The following CCSER1 variants were observed in gnomAD, a reference collection of about 807,000 sequenced individuals.
The protein encoded by CCSER1 is serine-rich coiled-coil domain-containing protein 1.
Under a neutral mutation model 82.0 loss-of-function variants are expected in CCSER1, and 41 were observed. The ratio of observed to expected loss-of-function variants is 0.50; its 90% CI spans 0.39 to 0.65. The LOEUF is 0.65. Among genes scored for constraint, CCSER1 ranks in the 30% least tolerant of loss-of-function variants. The probability of loss-of-function intolerance (pLI) is 0.00; values close to 1 mark genes in which losing one functional copy is unlikely to be tolerated. For synonymous variants in CCSER1, 414 were observed against 383.9 expected, an observed-to-expected ratio of 1.08 and a Z score of -0.92; for missense variants, 1,119 against 1,064.2, an observed-to-expected ratio of 1.05 and a Z score of -0.72.
At chr4:90,370,621 G>A (rs899606715) in intron 3 of CCSER1, among the ~76,000 whole-genome samples, 1 of 151,906 alleles carries the variant, frequency 6.6e-6, no homozygotes, top group Non-Finnish European at 1.5e-5. Flanking sequence ...CACAAGGTTT[G>A]CAAGGTTTGT....
intron 1 of CCSER1, among the ~76,000 whole-genome samples, chr4:90,224,986 C>G (rs146289634): frequency 6.6e-6 from 1 of 152,188 alleles, no homozygotes; most frequent in Admixed American, 6.5e-5. Context: ...AATCATAAGA[C>G]AGGCCTGTAA....
At chr4:91,293,324 G>A (rs923976118) in intron 10 of CCSER1, among the ~76,000 whole-genome samples, 3 of 151,926 alleles carry the variant, frequency 2.0e-5, no homozygotes, top group South Asian at 2.1e-4. Flanking sequence ...TTGGAAACTC[G>A]GTACACATAG....
At chr4:91,442,420 T>C (rs925180621) in intron 10 of CCSER1, among the ~76,000 whole-genome samples, 1 of 148,630 alleles carries the variant, frequency 6.7e-6, no homozygotes. Context: ...GCTAGCCATA[T>C]GTAGAAAGCT....
intron 10 of CCSER1, chr4:91,325,138 A>C: frequency 2.2e-6 from 1 of 455,988 alleles, no homozygotes; most frequent in Non-Finnish European, 4.4e-6. Context: ...CACAGGTGTC[A>C]AATGGGTTAG....
At chr4:90,484,487 C>A (rs1444946933) in intron 5 of CCSER1, among the ~76,000 whole-genome samples, 1 of 152,084 alleles carries the variant, frequency 6.6e-6, no homozygotes, top group African/African-American at 2.4e-5. Flanking sequence ...TCTGTTTTTT[C>A]CCCATCTTTG....
At chr4:90,852,043 T>C (rs2149935865) in intron 8 of CCSER1, among the ~76,000 whole-genome samples, 1 of 152,318 alleles carries the variant, frequency 6.6e-6, no homozygotes, top group Admixed American at 6.5e-5. Context: ...AAAAGTTTAA[T>C]ATAAAATTAT....
At chr4:90,507,859 T>G (rs1174150918) in intron 5 of CCSER1, among the ~76,000 whole-genome samples, 1 of 152,008 alleles carries the variant, frequency 6.6e-6, no homozygotes, top group East Asian at 1.9e-4. Flanking sequence ...AAAGATGATT[T>G]CCATTTTCTA....
At chr4:91,243,531 G>A (rs1234810959) in intron 10 of CCSER1, among the ~76,000 whole-genome samples, 1 of 152,188 alleles carries the variant, frequency 6.6e-6, no homozygotes, top group Non-Finnish European at 1.5e-5. Context: ...AGGAGAGGAG[G>A]TCAAAGAGTA....
intron 10 of CCSER1, among the ~76,000 whole-genome samples, chr4:91,358,816 C>T (rs115478051): frequency 0.017 from 2,548 of 152,164 alleles, 63 homozygotes; most frequent in African/African-American, 0.057. Flanking sequence ...GTTTCCTACC[C>T]GGGAGCGCTC....
At chr4:90,656,310 CTA>C (rs1214663431) in intron 6 of CCSER1, among the ~76,000 whole-genome samples, 16 of 151,680 alleles carry the variant, frequency 1.1e-4, no homozygotes, top group Admixed American at 5.3e-4. Context: ...TCTATTATGA[CTA>C]TGAATTTTTC....
chr4:90,759,578 C>T (rs533202944), intron 7 of CCSER1, among the ~76,000 whole-genome samples: 1 of 152,060 alleles, frequency 6.6e-6, no homozygotes, highest in Non-Finnish European at 1.5e-5. Flanking sequence ...GCACCATGGC[C>T]AATTTCAAGC....
chr4:90,911,754 A>C lies in CCSER1; in HGVS notation c.2095-11616A>C, dbSNP rs531018996. Among the ~76,000 whole-genome samples the C allele has an allele frequency of 1.2e-4, 19 of 152,268 alleles. No individual in the cohort carries two copies. In the East Asian group the frequency reaches 3.7e-3, roughly 30 times the overall value. On this transcript the variant is annotated intron_variant, in intron 8 of 10. Coordinates refer to ENST00000509176, the MANE Select transcript of CCSER1 (RefSeq NM_001145065.2). The stretch of plus-strand genomic sequence containing the variant: ...CCCAAGCAAAGGGGTGACAGACGGC[A>C]CCTGGAAAATCGGGTCACTCCCAAC...
chr4:91,598,922 T>C lies in CCSER1; in HGVS notation c.2568T>C (p.His856=). ...ACCAAGTTGCTACGGCCCGACAGCA[T>C]TCGACCTTTACAGGCAGGTTTGGAC... is the stretch of plus-strand genomic sequence containing the variant. ...PKDQVATARQ[H]STFTGRFGQP... Residue 856 remains histidine, a synonymous_variant, in exon 11 of 11, where the codon CAT becomes CAC. Transcript: ENST00000509176. 1 of 1,551,544 alleles carries C rather than the reference T, an allele frequency of 6.4e-7. No homozygotes were observed. The highest frequency in any genetic ancestry group is 8.7e-7 in the Non-Finnish European group (1 of 1,146,908).
chr4:91,552,210 T>C (rs1188389477), intron 10 of CCSER1, among the ~76,000 whole-genome samples: 1 of 151,756 alleles, frequency 6.6e-6, no homozygotes, highest in Non-Finnish European at 1.5e-5. Flanking sequence ...AACATTTTAT[T>C]CAATGATGCT....
chr4:90,930,321 G>A (rs999722526), intron 9 of CCSER1, among the ~76,000 whole-genome samples: 9 of 152,070 alleles, frequency 5.9e-5, no homozygotes, highest in Non-Finnish European at 8.8e-5. Context: ...AGAAGTCCTG[G>A]CTGGGCAGGG....
At chr4:90,376,396 A>C (rs766595086) in intron 3 of CCSER1, among the ~76,000 whole-genome samples, 1 of 152,222 alleles carries the variant, frequency 6.6e-6, no homozygotes, top group Non-Finnish European at 1.5e-5. Flanking sequence ...TGGCAGACAT[A>C]GAAGATAGAT....
chr4:90,932,784 T>A (rs1729996112), intron 9 of CCSER1, among the ~76,000 whole-genome samples: 1 of 129,760 alleles, frequency 7.7e-6, no homozygotes, highest in Non-Finnish European at 1.6e-5. Flanking sequence ...GCCGAGATTG[T>A]GCCACTGTAC....
intron 1 of CCSER1, among the ~76,000 whole-genome samples, chr4:90,303,203 C>T (rs1297992871): frequency 1.3e-5 from 2 of 152,062 alleles, no homozygotes; most frequent in Non-Finnish European, 2.9e-5. Flanking sequence ...ATTATTTGTG[C>T]CCAGTGGAAG....
chr4:90,560,888 TA>T (rs1305372934), intron 5 of CCSER1, among the ~76,000 whole-genome samples: 2 of 152,200 alleles, frequency 1.3e-5, no homozygotes, highest in East Asian at 1.9e-4. Flanking sequence ...TCCAGTTGTT[TA>T]AAAAGCTTTA....
Sources: allele counts gnomAD v4.1 joint callset (sites outside exome capture counted in the v4.1 genomes callset), GRCh38; gene constraint gnomAD v4.1.1; transcripts MANE v1.5; gene names NCBI Gene and HGNC (gene_info 2026-07-23, HGNC 2026-07-21).